Variants in ADCY9 observed in about 807,000 individuals in gnomAD.
ADCY9 encodes the protein adenylate cyclase 9, also known as adenylate cyclase type 9.
Under a neutral mutation model 101.5 loss-of-function variants are expected in ADCY9, and 50 were observed. That is an observed-to-expected ratio of 0.49 (90% CI 0.39 to 0.62). The LOEUF is 0.62. Ranked by LOEUF, ADCY9 falls within the 20% of genes least tolerant of loss-of-function variation. ADCY9 has a pLI of 0.00. For synonymous variants in ADCY9, 905 were observed against 769.3 expected, an observed-to-expected ratio of 1.18 and a Z score of -2.92; for missense variants, 1,662 against 1,800.4, an observed-to-expected ratio of 0.92 and a Z score of 1.39.
chr16:4,106,702 C>T (rs991555546), intron 2 of ADCY9, among the ~76,000 whole-genome samples: 7 of 151,962 alleles, frequency 4.6e-5, no homozygotes, highest in Non-Finnish European at 8.8e-5. Flanking sequence ...AAGACAAAGA[C>T]GAGACTTACG....
chr16:4,023,687 C>A (rs1362167290), intron 2 of ADCY9, among the ~76,000 whole-genome samples: 1 of 152,078 alleles, frequency 6.6e-6, no homozygotes, highest in African/African-American at 2.4e-5. Flanking sequence ...CCGAGGTAGG[C>A]GGATCACTTG....
intron 3 of ADCY9, 65 bp downstream of exon 3, chr16:4,007,303 A>T (rs1267695798): frequency 7.2e-7 from 1 of 1,385,126 alleles, no homozygotes; most frequent in East Asian, 2.4e-5. Context: ...TTATTATTTC[A>T]CGTGCTCTAC....
At chr16:4,085,417 T>C (rs8048845) in intron 2 of ADCY9, among the ~76,000 whole-genome samples, 77,754 of 151,866 alleles carry the variant, frequency 0.51, 20,528 homozygotes, top group African/African-American at 0.62. Flanking sequence ...GCACCAAGTG[T>C]GTGCACCCAG....
intron 5 of ADCY9, among the ~76,000 whole-genome samples, chr16:3,989,378 G>T (rs13338031): frequency 0.14 from 20,840 of 145,100 alleles, 1,807 homozygotes; most frequent in South Asian, 0.33. Context: ...TTGGTTTTTT[G>T]GGGTTTTTTT....
At chr16:3,999,688 TC>T (rs1215720155) in intron 3 of ADCY9, among the ~76,000 whole-genome samples, 20 of 152,288 alleles carry the variant, frequency 1.3e-4, no homozygotes, top group Middle Eastern at 3.4e-3. Context: ...AACCTGAGAT[TC>T]CCTGGAGAAC....
intron 2 of ADCY9, among the ~76,000 whole-genome samples, chr16:4,034,030 A>C (rs529899412): frequency 4.9e-4 from 74 of 152,338 alleles, no homozygotes; most frequent in African/African-American, 1.7e-3. Flanking sequence ...TGAGGGGAAC[A>C]ACGAAAGATT....
rs541701769 is a variant in ADCY9, at chr16:3,995,367, G to T, written c.1885-1857C>A. ...TGCTTGAGTCTGGGAGGTCAAGGCCGCAGTGAGCTTTGATGGTGCCACTGC... is the reference window on the plus strand; with the variant it reads ...TGCTTGAGTCTGGGAGGTCAAGGCCTCAGTGAGCTTTGATGGTGCCACTGC... On this transcript the variant is annotated intron_variant, in intron 3 of 10. Transcript: ENST00000294016. Among the ~76,000 whole-genome samples the T allele has an allele frequency of 3.9e-4, 60 of 152,266 alleles. No homozygotes were observed. In the East Asian group the frequency reaches 9.6e-3, roughly 24 times the overall value.
chr16:4,099,413 G>A lies in ADCY9; in HGVS notation c.1693+14337C>T, dbSNP rs570107171. Among the ~76,000 whole-genome samples the A allele has an allele frequency of 2.0e-5, 3 of 152,280 alleles. No individual in the cohort carries two copies. The East Asian group carries it at 5.8e-4, about 29-fold the overall frequency. On this transcript the variant is annotated intron_variant, in intron 2 of 10. Coordinates refer to ENST00000294016, the MANE Select transcript of ADCY9 (RefSeq NM_001116.4). Reference sequence around the variant, plus strand: ...TCTTGGGTGGCATTATTTCCTCATAGAAACATGCATATACTATTCATTTTC... The same window carrying A: ...TCTTGGGTGGCATTATTTCCTCATAAAAACATGCATATACTATTCATTTTC...
intron 4 of ADCY9, 38 bp downstream of exon 4, chr16:3,993,368 A>ACATT: frequency 6.2e-7 from 1 of 1,606,660 alleles, no homozygotes; most frequent in Non-Finnish European, 8.5e-7. Flanking sequence ...ATGCGCCAGG[A>ACATT]GAGGAACTGA....
At chr16:4,004,791 A>T (rs1003111062) in intron 3 of ADCY9, among the ~76,000 whole-genome samples, 9 of 152,218 alleles carry the variant, frequency 5.9e-5, no homozygotes, top group African/African-American at 2.2e-4. Context: ...GAACAGCGTT[A>T]TCAGCTGCGG....
At chr16:4,001,070 G>C (rs2056327053) in intron 3 of ADCY9, among the ~76,000 whole-genome samples, 1 of 151,346 alleles carries the variant, frequency 6.6e-6, no homozygotes, top group Admixed American at 6.6e-5. Context: ...GACAGTTCAA[G>C]GACTCTGCAT....
At chr16:4,002,302 C>A (rs1209765240) in intron 3 of ADCY9, among the ~76,000 whole-genome samples, 2 of 152,138 alleles carry the variant, frequency 1.3e-5, no homozygotes, top group African/African-American at 2.4e-5. Flanking sequence ...AAGCCCCTTA[C>A]TTCCTCAAAT....
chr16:3,968,472 C>G (rs2056019024), intron 10 of ADCY9, among the ~76,000 whole-genome samples: 1 of 152,138 alleles, frequency 6.6e-6, no homozygotes, highest in African/African-American at 2.4e-5. Context: ...TATCATTTTA[C>G]AAATAGCTTT....
chr16:4,029,353 G>A (rs1019540919), intron 2 of ADCY9, among the ~76,000 whole-genome samples: 25 of 152,152 alleles, frequency 1.6e-4, no homozygotes, highest in Non-Finnish European at 2.2e-4. Flanking sequence ...CTACAAAAAT[G>A]GCAATTTCGT....
At chr16:4,008,571 CTT>C (rs879832120) in intron 2 of ADCY9, among the ~76,000 whole-genome samples, 12 of 141,422 alleles carry the variant, frequency 8.5e-5, no homozygotes, top group Admixed American at 1.4e-4. Context: ...AGGGTCCCTT[CTT>C]TTTTTTTTTT....
intron 2 of ADCY9, among the ~76,000 whole-genome samples, chr16:4,112,777 C>G (rs779641673): frequency 6.6e-6 from 1 of 152,056 alleles, no homozygotes; most frequent in African/African-American, 2.4e-5. Context: ...CCCCTCAATC[C>G]TGAAGATTTT....
rs185532541 is a variant in ADCY9, at chr16:4,085,278, C to T, written c.1693+28472G>A. Among the ~76,000 whole-genome samples the T allele has an allele frequency of 1.6e-4, 25 of 152,208 alleles. No individual in the cohort carries two copies. The East Asian group carries it at 4.8e-3, about 29-fold the overall frequency. On this transcript the variant is annotated intron_variant, in intron 2 of 10. Coordinates refer to ENST00000294016, the MANE Select transcript of ADCY9 (RefSeq NM_001116.4). ...TTGGGAAGCTGAGGTGGAAGAATCA[C>T]TTAAGCCTGGGACGCAGAGATTGCC...
At chr16:4,077,609 C>A (rs1265666437) in intron 2 of ADCY9, among the ~76,000 whole-genome samples, 3 of 152,028 alleles carry the variant, frequency 2.0e-5, no homozygotes, top group Admixed American at 2.0e-4. Flanking sequence ...ACCTTTCAGT[C>A]CAATTTTTTA....
At chr16:3,994,548 T>C (rs1334469095) in intron 3 of ADCY9, among the ~76,000 whole-genome samples, 1 of 152,198 alleles carries the variant, frequency 6.6e-6, no homozygotes, top group Non-Finnish European at 1.5e-5. Context: ...GTCCACCTCC[T>C]GGGTTCAAGC....
Sources: allele counts gnomAD v4.1 joint callset (sites outside exome capture counted in the v4.1 genomes callset), GRCh38; gene constraint gnomAD v4.1.1; transcripts MANE v1.5; gene names NCBI Gene and HGNC (gene_info 2026-07-23, HGNC 2026-07-21).